The following XKR9 variants were observed in gnomAD, a reference collection of about 807,000 sequenced individuals.
XKR9 encodes XK related 9.
Under a neutral mutation model 32.0 loss-of-function variants are expected in XKR9, and 32 were observed. That is an observed-to-expected ratio of 1.00 (90% confidence interval 0.76 to 1.34). XKR9 has a LOEUF of 1.34. XKR9 is among the 40% of genes most tolerant of loss of function. The probability of loss-of-function intolerance (pLI) is 0.00; values close to 1 mark genes in which losing one functional copy is unlikely to be tolerated. For missense variants in XKR9, 546 were observed against 429.7 expected (o/e 1.27, Z -2.39); for synonymous variants, 168 against 143.4 (o/e 1.17, Z -1.22).
the XKR9 span, among the ~76,000 whole-genome samples, chr8:71,029,628 T>C: frequency 6.6e-6 from 1 of 152,158 alleles, no homozygotes; most frequent in Non-Finnish European, 1.5e-5. Context: ...CAATTGAAAA[T>C]ATTGATTTTC....
chr8:70,882,411 T>A, the XKR9 span, among the ~76,000 whole-genome samples: 20 of 151,794 alleles, frequency 1.3e-4, no homozygotes, highest in African/African-American at 4.8e-4. Context: ...GTTAAGAATT[T>A]TTCAAATGCG....
the XKR9 span, among the ~76,000 whole-genome samples, chr8:70,808,022 T>C: frequency 1.3e-5 from 2 of 151,408 alleles, no homozygotes; most frequent in South Asian, 2.1e-4. Context: ...AGTAAACCAC[T>C]CCTTAGGAAA....
chr8:70,890,085 T>C, the XKR9 span, among the ~76,000 whole-genome samples: 1 of 151,756 alleles, frequency 6.6e-6, no homozygotes, highest in African/African-American at 2.4e-5. Flanking sequence ...CCAGTATCTG[T>C]TGTTTTTTGA....
the XKR9 span, among the ~76,000 whole-genome samples, chr8:71,053,185 A>G: frequency 6.6e-6 from 1 of 152,242 alleles, no homozygotes; most frequent in African/African-American, 2.4e-5. Context: ...TAACCATTTT[A>G]GGAGTGGTTC....
intron 2 of XKR9, among the ~76,000 whole-genome samples, chr8:70,762,542 G>A (rs1313954057): frequency 6.6e-6 from 1 of 152,196 alleles, no homozygotes; most frequent in Non-Finnish European, 1.5e-5. Context: ...ATGATCTAAG[G>A]TGGAACAATG....
chr8:70,906,512 T>A, the XKR9 span, among the ~76,000 whole-genome samples: 1 of 152,216 alleles, frequency 6.6e-6, no homozygotes. Flanking sequence ...GTACCTGTGG[T>A]TGCCGAGGCT....
At chr8:70,863,201 AAAG>A in the XKR9 span, among the ~76,000 whole-genome samples, 8 of 152,264 alleles carry the variant, frequency 5.3e-5, no homozygotes, top group South Asian at 2.1e-4. Flanking sequence ...TGGTGTGTGA[AAAG>A]AAGAAGAAGA....
At chr8:71,042,817 G>A in the XKR9 span, among the ~76,000 whole-genome samples, 2 of 152,170 alleles carry the variant, frequency 1.3e-5, no homozygotes. Context: ...CATGAGCCAT[G>A]ACACATGGGC....
At chr8:71,025,741 C>A in the XKR9 span, among the ~76,000 whole-genome samples, 1 of 152,170 alleles carries the variant, frequency 6.6e-6, no homozygotes, top group Non-Finnish European at 1.5e-5. Context: ...TCCCTCAAAC[C>A]ACTGCAGTGT....
chr8:70,989,581 T>C, the XKR9 span, among the ~76,000 whole-genome samples: 718 of 152,322 alleles, frequency 4.7e-3, 3 homozygotes, highest in Non-Finnish European at 8.1e-3. Context: ...GGTAGAATAG[T>C]AGAACAGTGA....
intron 2 of XKR9, among the ~76,000 whole-genome samples, chr8:70,778,453 C>T (rs938929994): frequency 7.2e-5 from 11 of 152,044 alleles, no homozygotes; most frequent in African/African-American, 2.7e-4. Flanking sequence ...TCCATATGGA[C>T]TTTGAAATAG....
In XKR9 at chr8:70,755,669, A is replaced by G. The variant is rs187438341; in HGVS notation, n.353-33670A>G. 1.2e-3 allele frequency among the ~76,000 whole-genome samples: 187 copies of G among 151,048 alleles called. 1 individual carries two copies. The highest frequency in any genetic ancestry group is 4.5e-3 in the African/African-American group (185 of 41,108). On this transcript the variant is annotated intron_variant and non_coding_transcript_variant, in intron 2 of 3. Transcript: ENST00000520273. ...TAAACTATCGGAAGGACAAAAAACC[A>G]AACACCGCATGTTCTCACTCATAGA...
chr8:71,033,563 GGTGTTTGGGTCATTGAGGT>G, the XKR9 span, among the ~76,000 whole-genome samples: 1 of 152,060 alleles, frequency 6.6e-6, no homozygotes, highest in Non-Finnish European at 1.5e-5. Flanking sequence ...TTAGTTGCGG[GGTGTTTGGGTCATTGAGGT>G]GGATCCCTCA....
At chr8:71,026,494 A>G in the XKR9 span, among the ~76,000 whole-genome samples, 1 of 152,200 alleles carries the variant, frequency 6.6e-6, no homozygotes, top group African/African-American at 2.4e-5. Context: ...GACAAATGTT[A>G]TGATAGAAGA....
the XKR9 span, among the ~76,000 whole-genome samples, chr8:71,065,005 G>A: frequency 6.6e-6 from 1 of 152,012 alleles, no homozygotes; most frequent in East Asian, 1.9e-4. Context: ...AGCCAACTGA[G>A]GCTTCTCTAA....
At chr8:70,818,706 C>A in the XKR9 span, among the ~76,000 whole-genome samples, 1 of 152,074 alleles carries the variant, frequency 6.6e-6, no homozygotes, top group South Asian at 2.1e-4. Flanking sequence ...TTTGTTTGTG[C>A]TAAATTGGTA....
At chr8:70,840,375 TA>T in the XKR9 span, among the ~76,000 whole-genome samples, 5 of 152,140 alleles carry the variant, frequency 3.3e-5, no homozygotes, top group Non-Finnish European at 5.9e-5. Flanking sequence ...GCTGACCTTA[TA>T]TTTTTTTCTC....
At chr8:70,739,226 C>G (rs1002205613), downstream of XKR9, among the ~76,000 whole-genome samples, 1 of 151,980 alleles carries the variant, frequency 6.6e-6, no homozygotes, top group African/African-American at 2.4e-5. Flanking sequence ...TAAGTAATGG[C>G]CTTCTTTGTC....
chr8:70,784,291 T>C (rs965317192), intron 2 of XKR9, among the ~76,000 whole-genome samples: 10 of 152,200 alleles, frequency 6.6e-5, no homozygotes, highest in African/African-American at 2.4e-4. Context: ...GATCACTTTG[T>C]GTAATATGGA....
Sources: allele counts gnomAD v4.1 joint callset (sites outside exome capture counted in the v4.1 genomes callset), GRCh38; gene constraint gnomAD v4.1.1; transcripts MANE v1.5; gene names NCBI Gene and HGNC (gene_info 2026-07-23, HGNC 2026-07-21).